PCDH11X: variants seen among roughly 807,000 people sequenced by gnomAD.
PCDH11X encodes protocadherin 11 X-linked.
A neutral mutation model predicts 53.3 loss-of-function variants in PCDH11X; 18 were observed. The observed-to-expected ratio is 0.34, with a 90% confidence interval of 0.23 to 0.50. PCDH11X has a LOEUF of 0.50. PCDH11X is among the 20% of genes least tolerant of loss of function. The pLI, the probability that PCDH11X is intolerant of heterozygous loss-of-function variation, is 0.98. For synonymous variants in PCDH11X, 279 were observed against 393.3 expected (o/e 0.71, Z 3.44); for missense variants, 570 against 1,032.4 (o/e 0.55, Z 6.14).
intron 6 of PCDH11X, among the ~76,000 whole-genome samples, chrX:92,172,512 A>C (rs1446532284): frequency 1.8e-5 from 2 of 108,833 alleles, no homozygotes; most frequent in African/African-American, 6.7e-5. Context: ...GCCTCAGCCT[A>C]CCGAGTAACT....
intron 8 of PCDH11X, among the ~76,000 whole-genome samples, chrX:92,374,828 G>A (rs2070703159): frequency 9.1e-6 from 1 of 110,165 alleles, no homozygotes; most frequent in Admixed American, 9.7e-5. Flanking sequence ...TGTGTGAAAT[G>A]TAATTCAGAT....
intron 6 of PCDH11X, among the ~76,000 whole-genome samples, chrX:91,946,852 A>G (rs5941031): frequency 0.35 from 35,204 of 100,481 alleles, 5,407 homozygotes; most frequent in East Asian, 0.61. Context: ...TGTTCAAATG[A>G]AAGCAGGTCA....
chrX:92,448,603 C>T (rs1222016332), intron 9 of PCDH11X, among the ~76,000 whole-genome samples: 1 of 94,565 alleles, frequency 1.1e-5, no homozygotes, highest in Non-Finnish European at 2.1e-5. Flanking sequence ...TACCCAGTCT[C>T]AGGTATGTCG....
chrX:92,084,381 C>A (rs2063913581), intron 6 of PCDH11X, among the ~76,000 whole-genome samples: 1 of 108,150 alleles, frequency 9.2e-6, no homozygotes, highest in African/African-American at 3.4e-5. Context: ...AACCCGGTCT[C>A]TACTAAAAAT....
intron 10 of PCDH11X, among the ~76,000 whole-genome samples, chrX:92,508,226 G>GTT (rs796268188): frequency 2.2e-5 from 2 of 90,275 alleles, no homozygotes; most frequent in Non-Finnish European, 4.8e-5. Context: ...TTTTTTTGTT[G>GTT]TTTTTTTTGT....
chrX:91,918,704 A>G (rs1382252699), intron 6 of PCDH11X, among the ~76,000 whole-genome samples: 1 of 111,625 alleles, frequency 9.0e-6, no homozygotes, highest in Non-Finnish European at 1.9e-5. Context: ...CTTTTAATAA[A>G]GGAAAGTTAC....
chrX:92,113,730 C>A, intron 6 of PCDH11X: 4 of 1,202,429 alleles, frequency 3.3e-6, no homozygotes, highest in Non-Finnish European at 4.5e-6. Context: ...GGCGGATACC[C>A]TCCAGGGTCA....
At chrX:91,786,950 TTAAAA>T (rs1935355765) in intron 1 of PCDH11X, among the ~76,000 whole-genome samples, 1 of 111,713 alleles carries the variant, frequency 9.0e-6, no homozygotes, top group Non-Finnish European at 1.9e-5. Flanking sequence ...TTCAAATATA[TTAAAA>T]TAACTTTTTC....
rs35819552 is a variant in PCDH11X at position 92,339,493 on chromosome X, A to G, written c.3145-48242A>G. 3.6e-5 allele frequency among the ~76,000 whole-genome samples: 4 copies of G among 111,347 alleles called. No individual in the cohort carries two copies. In the East Asian group the frequency reaches 1.1e-3, roughly 32 times the overall value. On this transcript the variant is annotated intron_variant, in intron 8 of 10. Coordinates refer to ENST00000682573, the MANE Select transcript of PCDH11X (RefSeq NM_032968.5). ...TTTAATTGGCTTATGGTTCCTCTGG[A>G]TATACAGGAAGCATGATACTGGCAT...
intron 10 of PCDH11X, among the ~76,000 whole-genome samples, chrX:92,498,842 T>A (rs1249049157): frequency 5.7e-5 from 6 of 105,422 alleles, no homozygotes; most frequent in Non-Finnish European, 9.7e-5. Context: ...CAATGAAAGA[T>A]AAATCCCTTA....
intron 6 of PCDH11X, among the ~76,000 whole-genome samples, chrX:92,148,255 A>AT (rs2065365091): frequency 3.7e-5 from 3 of 82,137 alleles, no homozygotes; most frequent in Non-Finnish European, 6.8e-5. Context: ...TTTGAGACAG[A>AT]GTCTTGCTCA....
At chrX:91,844,926 G>A (rs9699032) in intron 5 of PCDH11X, among the ~76,000 whole-genome samples, 21,794 of 109,712 alleles carry the variant, frequency 0.2, 1,832 homozygotes, top group East Asian at 0.31. Flanking sequence ...ACAGAAGAAC[G>A]AAGTTGTGTT....
At chrX:92,498,253 G>T (rs1211790221) in intron 10 of PCDH11X, among the ~76,000 whole-genome samples, 2 of 110,515 alleles carry the variant, frequency 1.8e-5, no homozygotes, top group Non-Finnish European at 3.8e-5. Context: ...AGTTTTGCTT[G>T]TCTTTAGTTG....
chrX:92,070,837 T>C (rs1020352969), intron 6 of PCDH11X, among the ~76,000 whole-genome samples: 1 of 111,567 alleles, frequency 9.0e-6, no homozygotes, highest in African/African-American at 3.3e-5. Context: ...TCTTGCTCTG[T>C]TGCCCAGGCT....
At chrX:91,838,195 T>C (rs1937374224) in intron 5 of PCDH11X, among the ~76,000 whole-genome samples, 1 of 112,067 alleles carries the variant, frequency 8.9e-6, no homozygotes, top group Admixed American at 9.5e-5. Context: ...GCTTAACTAA[T>C]TCAAATAAAA....
At chrX:92,568,747 C>CAAA (rs375078287) in intron 10 of PCDH11X, among the ~76,000 whole-genome samples, 17 of 107,839 alleles carry the variant, frequency 1.6e-4, no homozygotes, top group South Asian at 4.0e-4. Flanking sequence ...CACAATTATG[C>CAAA]AAAAAAAATT....
At chrX:92,605,527 A>G (rs1209408760) in intron 10 of PCDH11X, among the ~76,000 whole-genome samples, 1 of 112,049 alleles carries the variant, frequency 8.9e-6, no homozygotes, top group Non-Finnish European at 1.9e-5. Flanking sequence ...TTGCAAAGAA[A>G]GAAGTAGAAT....
intron 4 of PCDH11X, among the ~76,000 whole-genome samples, chrX:91,831,361 G>A (rs1294938114): frequency 9.7e-6 from 1 of 102,839 alleles, no homozygotes; most frequent in Admixed American, 1.1e-4. Flanking sequence ...AGTAGGAGTG[G>A]GTTGTAGGAG....
chrX:92,350,148 G>T, intron 8 of PCDH11X, among the ~76,000 whole-genome samples: 1 of 109,191 alleles, frequency 9.2e-6, no homozygotes, highest in Non-Finnish European at 1.9e-5. Context: ...TCATTTTTTT[G>T]ATTTCCTTAA....
Sources: gnomAD v4.1 joint callset for allele counts (sites outside exome capture counted in the v4.1 genomes callset) on GRCh38, gnomAD v4.1.1 for gene constraint, MANE v1.5 for transcripts, NCBI Gene and HGNC (gene_info 2026-07-23, HGNC 2026-07-21) for gene names.